The following SHISA6 variants were observed in gnomAD, a reference collection of about 807,000 sequenced individuals.
SHISA6 encodes the protein shisa family member 6, also known as protein shisa-6.
A neutral mutation model predicts 47.9 loss-of-function variants in SHISA6; 22 were observed. The ratio of observed to expected loss-of-function variants is 0.46; its 90% confidence interval spans 0.33 to 0.66. The LOEUF (loss-of-function observed/expected upper bound fraction) is 0.66, where lower values mean the gene tolerates loss of function less well. Among genes scored for constraint, SHISA6 ranks in the 30% least tolerant of loss-of-function variants. The pLI is 0.02. For synonymous variants in SHISA6, 388 were observed against 337.8 expected (o/e 1.15, Z -1.63); for missense variants, 680 against 764.6 (o/e 0.89, Z 1.30).
At chr17:11,461,084 T>TATA (rs1197683602) in intron 3 of SHISA6, among the ~76,000 whole-genome samples, 65 of 152,296 alleles carry the variant, frequency 4.3e-4, no homozygotes, top group African/African-American at 1.5e-3. Flanking sequence ...TAAAAGTATT[T>TATA]ATAATAAATA....
At chr17:11,427,606 T>C (rs1416050163) in intron 3 of SHISA6, among the ~76,000 whole-genome samples, 2 of 152,138 alleles carry the variant, frequency 1.3e-5, no homozygotes, top group Non-Finnish European at 2.9e-5. Context: ...CTCAAGTTAA[T>C]TAACTAATTA....
intron 3 of SHISA6, among the ~76,000 whole-genome samples, chr17:11,467,304 G>A (rs532512754): frequency 3.3e-5 from 5 of 152,138 alleles, no homozygotes; most frequent in East Asian, 3.9e-4. Context: ...GAGATAGTTC[G>A]TGTTTAATTC....
intron 3 of SHISA6, among the ~76,000 whole-genome samples, chr17:11,544,428 T>C (rs2071864307): frequency 1.3e-5 from 2 of 151,816 alleles, no homozygotes; most frequent in South Asian, 4.2e-4. Flanking sequence ...GATATATAGA[T>C]GAAAAACAAG....
intron 2 of SHISA6, among the ~76,000 whole-genome samples, chr17:11,336,588 G>C (rs1033694306): frequency 6.6e-6 from 1 of 152,188 alleles, no homozygotes; most frequent in African/African-American, 2.4e-5. Context: ...CACGCCTGGG[G>C]CTTGCGAAGG....
chr17:11,460,278 C>T (rs542935823), intron 3 of SHISA6, among the ~76,000 whole-genome samples: 7 of 152,272 alleles, frequency 4.6e-5, no homozygotes, highest in Admixed American at 1.3e-4. Context: ...CTAGGCTAGG[C>T]GCCGGGATGG....
chr17:11,369,392 G>A (rs1319500405), intron 2 of SHISA6, among the ~76,000 whole-genome samples: 1 of 152,226 alleles, frequency 6.6e-6, no homozygotes, highest in Non-Finnish European at 1.5e-5. Flanking sequence ...AAAGGCACAT[G>A]ATAAAATTAT....
chr17:11,261,084 G>A (rs1908216006), intron 1 of SHISA6, among the ~76,000 whole-genome samples: 1 of 151,992 alleles, frequency 6.6e-6, no homozygotes. Context: ...GAGAGAAGGG[G>A]ATGGAAGATG....
chr17:11,310,578 C>A (rs1214743230), intron 2 of SHISA6, among the ~76,000 whole-genome samples: 1 of 152,130 alleles, frequency 6.6e-6, no homozygotes, highest in Admixed American at 6.5e-5. Flanking sequence ...CATGAAAGAC[C>A]TCGTGGGCCA....
chr17:11,357,585 C>T (rs1193877896), intron 2 of SHISA6, among the ~76,000 whole-genome samples: 2 of 152,122 alleles, frequency 1.3e-5, no homozygotes, highest in Non-Finnish European at 2.9e-5. Flanking sequence ...GTTCACTTAA[C>T]GTTATTTCAT....
At chr17:11,509,373 A>G (rs17774181) in intron 3 of SHISA6, among the ~76,000 whole-genome samples, 9,627 of 152,274 alleles carry the variant, frequency 0.063, 336 homozygotes, top group Middle Eastern at 0.099. Context: ...GGGCTTTACC[A>G]TTTATGAAGC....
intron 3 of SHISA6, among the ~76,000 whole-genome samples, chr17:11,407,756 C>CT (rs1567597781): frequency 1.3e-5 from 2 of 152,012 alleles, no homozygotes; most frequent in Admixed American, 6.6e-5. Flanking sequence ...TTGACGGCTC[C>CT]TTTTTTTGGA....
At chr17:11,251,928 G>C (rs561556223) in intron 1 of SHISA6, among the ~76,000 whole-genome samples, 28 of 152,302 alleles carry the variant, frequency 1.8e-4, no homozygotes, top group Admixed American at 5.2e-4. Context: ...AGCAGCAGCT[G>C]AACTCACATT....
At chr17:11,514,496 G>A (rs1376182547) in intron 3 of SHISA6, among the ~76,000 whole-genome samples, 1 of 152,168 alleles carries the variant, frequency 6.6e-6, no homozygotes, top group Non-Finnish European at 1.5e-5. Flanking sequence ...AAATGATGGG[G>A]AAGGTAACTG....
chr17:11,514,664 T>G (rs1438578497), intron 3 of SHISA6, among the ~76,000 whole-genome samples: 10 of 152,208 alleles, frequency 6.6e-5, no homozygotes. Flanking sequence ...CTTATGTGGC[T>G]GAAGCCCAGA....
chr17:11,358,832 G>T (rs922425080), intron 2 of SHISA6, among the ~76,000 whole-genome samples: 1 of 151,090 alleles, frequency 6.6e-6, no homozygotes, highest in African/African-American at 2.4e-5. Context: ...GCAAATTTTT[G>T]TATTTTTCTA....
chr17:11,408,439 G>A (rs1324503880), intron 3 of SHISA6, among the ~76,000 whole-genome samples: 1 of 152,170 alleles, frequency 6.6e-6, no homozygotes, highest in Admixed American at 6.5e-5. Context: ...TGATTCTGAT[G>A]TGTGCCAAAG....
Position 11,308,254 on chromosome 17 carries a change from T to C in SHISA6, c.799+44728T>C, listed in dbSNP as rs142642564. ...CAATTTCTGTTCAGGAAGATGGCCA[T>C]GTAACAGGCAGAAATGCCAGGGTGG... On this transcript the variant is annotated intron_variant, in intron 2 of 5. Coordinates refer to ENST00000441885, the MANE Select transcript of SHISA6 (RefSeq NM_207386.4). Among the ~76,000 whole-genome samples the C allele has an allele frequency of 2.2e-3, 335 of 152,310 alleles. 1 individual carries two copies. The highest frequency in any genetic ancestry group is 3.5e-3 in the Admixed American group (53 of 15,298).
At chr17:11,438,413 A>C (rs1325741742) in intron 3 of SHISA6, among the ~76,000 whole-genome samples, 1 of 152,114 alleles carries the variant, frequency 6.6e-6, no homozygotes, top group East Asian at 1.9e-4. Context: ...ATTTTCTCAC[A>C]CTTCTGGAGG....
At chr17:11,444,720 C>T (rs1270965015) in intron 3 of SHISA6, among the ~76,000 whole-genome samples, 1 of 152,106 alleles carries the variant, frequency 6.6e-6, no homozygotes, top group Non-Finnish European at 1.5e-5. Context: ...AAGAAGGAAC[C>T]GAGATTTATT....
Sources: allele counts gnomAD v4.1 joint callset (sites outside exome capture counted in the v4.1 genomes callset), GRCh38; gene constraint gnomAD v4.1.1; transcripts MANE v1.5; gene names NCBI Gene and HGNC (gene_info 2026-07-23, HGNC 2026-07-21).